EPB41L4A: variants seen among roughly 807,000 people sequenced by gnomAD.
The protein encoded by EPB41L4A is band 4.1-like protein 4A.
A neutral mutation model predicts 108.6 loss-of-function variants in EPB41L4A; 100 were observed. That is an observed-to-expected ratio of 0.92 (90% CI 0.78 to 1.09). The LOEUF (loss-of-function observed/expected upper bound fraction) is 1.09, where lower values mean the gene tolerates loss of function less well. Ranked by LOEUF, EPB41L4A falls within the 50% of genes least tolerant of loss-of-function variation. The pLI, the probability that EPB41L4A is intolerant of heterozygous loss-of-function variation, is 0.00. For synonymous variants in EPB41L4A, 319 were observed against 289.0 expected, an observed-to-expected ratio of 1.10 and a Z score of -1.05; for missense variants, 1,030 against 842.7, an observed-to-expected ratio of 1.22 and a Z score of -2.75.
chr5:112,262,587 C>A lies in EPB41L4A; in HGVS notation c.555-6G>T. ...CCTCAGAAGGAATCTGACCCCTACA[C>A]CCAGCACAAAAACAAAGAGCCTTAT... On this transcript the variant is annotated splice_polypyrimidine_tract_variant and splice_region_variant and intron_variant, in intron 6 of 22. Coordinates refer to ENST00000261486, the MANE Select transcript of EPB41L4A (RefSeq NM_022140.5). The A allele has an allele frequency of 2.5e-6, 4 of 1,612,754 alleles. No homozygotes were observed. The highest frequency in any genetic ancestry group is 2.2e-5 in the South Asian group (2 of 90,798).
At chr5:112,145,064 C>A (rs768514239) in intron 13 of EPB41L4A, among the ~76,000 whole-genome samples, 26 of 152,098 alleles carry the variant, frequency 1.7e-4, no homozygotes, top group Non-Finnish European at 3.4e-4. Flanking sequence ...CCGAGGTGGG[C>A]GTATCACTTG....
intron 17 of EPB41L4A, among the ~76,000 whole-genome samples, chr5:112,193,522 A>C (rs551845132): frequency 6.6e-6 from 1 of 152,290 alleles, no homozygotes; most frequent in African/African-American, 2.4e-5. Flanking sequence ...GCTGGTCTCG[A>C]ACTCCCAACC....
intron 2 of EPB41L4A, among the ~76,000 whole-genome samples, 181 bp from the exon 3 acceptor site, chr5:112,280,504 A>T (rs548672622): frequency 6.6e-6 from 1 of 152,248 alleles, no homozygotes; most frequent in Non-Finnish European, 1.5e-5. Context: ...TAAAAGAAAA[A>T]ATAGGCCAGG....
intron 19 of EPB41L4A, 30 bp from the exon 20 acceptor site, chr5:112,170,399 T>C (rs1760507016): frequency 4.3e-6 from 6 of 1,406,522 alleles, no homozygotes; most frequent in Non-Finnish European, 6.0e-6. Flanking sequence ...AAAATGATAG[T>C]TGTGGTGCTG....
chr5:112,405,867 T>TA (rs143699075), intron 1 of EPB41L4A, among the ~76,000 whole-genome samples: 2,531 of 152,298 alleles, frequency 0.017, 29 homozygotes, highest in South Asian at 0.038. Context: ...ACCTAACAGT[T>TA]AAACTTCTAC....
intron 1 of EPB41L4A, among the ~76,000 whole-genome samples, chr5:112,367,510 T>C (rs1165928246): frequency 6.6e-6 from 1 of 152,210 alleles, no homozygotes; most frequent in Non-Finnish European, 1.5e-5. Context: ...CTTCCAGGTC[T>C]TGATGCTCTT....
chr5:112,357,450 CT>C (rs1182379079), intron 1 of EPB41L4A, among the ~76,000 whole-genome samples: 1 of 152,226 alleles, frequency 6.6e-6, no homozygotes, highest in Non-Finnish European at 1.5e-5. Flanking sequence ...TCAGGTATCT[CT>C]AACACCTACT....
At chr5:112,376,589 C>A (rs889947921) in intron 1 of EPB41L4A, among the ~76,000 whole-genome samples, 2 of 152,162 alleles carry the variant, frequency 1.3e-5, no homozygotes, top group African/African-American at 4.8e-5. Context: ...CATGAGTGAT[C>A]ACAGCAGCTT....
In EPB41L4A at chr5:112,358,112, C is replaced by G. The variant is rs76493700; in HGVS notation, c.100-50622G>C. 4.7e-3 allele frequency among the ~76,000 whole-genome samples: 721 copies of G among 152,344 alleles called. 1 individual carries two copies. Among genetic ancestry groups the G allele is most frequent in the Non-Finnish European group, 6.8e-3 (461 of 68,044 alleles). ...GTGCCTGATCTCCCAACAGCAGAAG[C>G]CAATCCTCAGTCCAAGATGGCAACA... is the stretch of plus-strand genomic sequence containing the variant. On this transcript the variant is annotated intron_variant, in intron 1 of 22. Transcript: ENST00000261486.
At chr5:112,360,851 G>A (rs548896642) in intron 1 of EPB41L4A, among the ~76,000 whole-genome samples, 193 of 151,764 alleles carry the variant, frequency 1.3e-3, no homozygotes, top group South Asian at 2.3e-3. Flanking sequence ...CCGCCACTCC[G>A]TCTGGGATGT....
intron 1 of EPB41L4A, among the ~76,000 whole-genome samples, chr5:112,349,511 G>A (rs551796790): frequency 6.6e-6 from 1 of 152,308 alleles, no homozygotes; most frequent in African/African-American, 2.4e-5. Context: ...CTGCTATAGG[G>A]ACAAACAGAG....
At chr5:112,396,562 C>G (rs923530884) in intron 1 of EPB41L4A, among the ~76,000 whole-genome samples, 2 of 152,336 alleles carry the variant, frequency 1.3e-5, no homozygotes, top group East Asian at 1.9e-4. Context: ...GGCCCATGGT[C>G]TCTTGCGACG....
chr5:112,293,132 G>C (rs1308925098), intron 2 of EPB41L4A, among the ~76,000 whole-genome samples: 1 of 151,986 alleles, frequency 6.6e-6, no homozygotes, highest in African/African-American at 2.4e-5. Context: ...GTATGTATAT[G>C]TTGACATTTC....
intron 12 of EPB41L4A, among the ~76,000 whole-genome samples, chr5:112,146,185 G>C (rs746638252): frequency 1.3e-5 from 2 of 152,180 alleles, no homozygotes; most frequent in African/African-American, 4.8e-5. Context: ...GAAATGTCAA[G>C]CATCGCGATC....
intron 2 of EPB41L4A, among the ~76,000 whole-genome samples, chr5:112,282,415 C>T (rs1753021723): frequency 6.6e-6 from 1 of 152,252 alleles, no homozygotes; most frequent in African/African-American, 2.4e-5. Flanking sequence ...TACTCATTAA[C>T]ACTTGCATTC....
At chr5:112,247,258 G>A (rs1245052460) in intron 9 of EPB41L4A, among the ~76,000 whole-genome samples, 1 of 152,174 alleles carries the variant, frequency 6.6e-6, no homozygotes, top group African/African-American at 2.4e-5. Context: ...CTGTTAAGGG[G>A]TGGGTGTTTT....
chr5:112,178,007 C>G (rs577439814), intron 18 of EPB41L4A, among the ~76,000 whole-genome samples: 1 of 150,930 alleles, frequency 6.6e-6, no homozygotes, highest in Non-Finnish European at 1.5e-5. Flanking sequence ...AGGCTAAACA[C>G]TGAACTTAAA....
At chr5:112,206,604 A>G (rs553696923) in intron 13 of EPB41L4A, among the ~76,000 whole-genome samples, 1 of 152,336 alleles carries the variant, frequency 6.6e-6, no homozygotes, top group Admixed American at 6.5e-5. Context: ...TAGAAAGTGT[A>G]TGGGATCAAT....
At chr5:112,215,042 C>T (rs1436747958) in intron 12 of EPB41L4A, among the ~76,000 whole-genome samples, 2 of 152,096 alleles carry the variant, frequency 1.3e-5, no homozygotes, top group African/African-American at 4.8e-5. Context: ...AACAGTGCAC[C>T]ACCCATGGTA....
Sources: gnomAD v4.1 joint callset for allele counts (sites outside exome capture counted in the v4.1 genomes callset) on GRCh38, gnomAD v4.1.1 for gene constraint, MANE v1.5 for transcripts, NCBI Gene and HGNC (gene_info 2026-07-23, HGNC 2026-07-21) for gene names.